Variants in SLC5A12 observed in about 807,000 individuals in gnomAD.
The protein encoded by SLC5A12 is sodium-coupled monocarboxylate transporter 2.
SLC5A12 carries 46 observed loss-of-function variants against 72.7 expected under a neutral mutation model. That is an observed-to-expected ratio of 0.63 (90% CI 0.50 to 0.81). SLC5A12 has a LOEUF of 0.81. Ranked by LOEUF, SLC5A12 falls within the 30% of genes least tolerant of loss-of-function variation. The pLI is 0.00. For synonymous variants in SLC5A12, 275 were observed against 264.4 expected (o/e 1.04, Z -0.39); for missense variants, 683 against 740.7 (o/e 0.92, Z 0.90).
chr11:26,697,522 C>A (rs1854851442), intron 7 of SLC5A12, among the ~76,000 whole-genome samples: 1 of 152,168 alleles, frequency 6.6e-6, no homozygotes, highest in Admixed American at 6.5e-5. Context: ...TGATGCACTA[C>A]TCTACATCCA....
At chr11:26,690,868 T>C (rs774934374) in intron 9 of SLC5A12, among the ~76,000 whole-genome samples, 1 of 151,382 alleles carries the variant, frequency 6.6e-6, no homozygotes, top group Admixed American at 6.6e-5. Context: ...GAATATAAAA[T>C]ATAAAAGTAC....
chr11:26,721,294 A>T (rs1439506335), intron 1 of SLC5A12, 82 bp downstream of exon 1: 1 of 1,025,344 alleles, frequency 9.8e-7, no homozygotes, highest in Non-Finnish European at 1.4e-6. Flanking sequence ...CCTGAAAATC[A>T]GTGAGTGTTC....
chr11:26,681,356 CT>C (rs1442250948), intron 11 of SLC5A12, 135 bp from the exon 12 acceptor site: 1 of 630,150 alleles, frequency 1.6e-6, no homozygotes, highest in African/African-American at 1.9e-5. Flanking sequence ...CAGAAACACT[CT>C]GCTCAAACTG....
intron 3 of SLC5A12, 24 bp downstream of exon 3, chr11:26,711,283 G>A: frequency 6.2e-7 from 1 of 1,602,140 alleles, no homozygotes. Context: ...GGTAAAATAT[G>A]CCAAGAGAAT....
intron 10 of SLC5A12, among the ~76,000 whole-genome samples, chr11:26,684,050 G>T (rs538023085): frequency 6.6e-6 from 1 of 152,040 alleles, no homozygotes; most frequent in South Asian, 2.1e-4. Flanking sequence ...GTGTGTGTGT[G>T]TGTTTGTATA....
chr11:26,695,919 C>T (rs747652500), intron 8 of SLC5A12, among the ~76,000 whole-genome samples: 4 of 152,110 alleles, frequency 2.6e-5, no homozygotes, highest in African/African-American at 7.2e-5. Flanking sequence ...AGTTTGTCTC[C>T]GCAGGGCTTT....
rs1854407060 is a variant in SLC5A12 at position 26,681,279 on chromosome 11, T to C, written c.1309-58A>G. On this transcript the variant is annotated intron_variant, in intron 11 of 14. Coordinates refer to ENST00000396005, the MANE Select transcript of SLC5A12 (RefSeq NM_178498.4). ...TTGGCAAAGCTGTCTATGGAAAGAATAATGAGATGAGGAGTTCTATGCCTT... is the reference window on the plus strand; with the variant it reads ...TTGGCAAAGCTGTCTATGGAAAGAACAATGAGATGAGGAGTTCTATGCCTT... 1.6e-5 allele frequency: 23 copies of C among 1,414,204 alleles called. No individual in the cohort carries two copies. The South Asian group carries it at 3.2e-4, about 19-fold the overall frequency. 87.6% of individuals were successfully genotyped at this position (1,414,204 alleles called of 1,614,324 possible). A position where few individuals can be genotyped will look rare whatever the true frequency, so the allele number is the denominator to read the frequency against.
rs1225233309 is a variant in SLC5A12, at chr11:26,698,499, A to C, written c.858T>G (p.Ile286Met). 6.2e-7 allele frequency: 1 copy of C among 1,614,062 alleles called. No individual in the cohort carries two copies. The highest frequency in any genetic ancestry group is 2.2e-5 in the East Asian group (1 of 44,854). Residue 286 changes from isoleucine (I) to methionine (M), a missense_variant, in exon 7 of 15, where the codon ATT (isoleucine) becomes ATG (methionine). Ile to Met is a conservative substitution (Grantham distance 10). Coordinates refer to ENST00000396005, the MANE Select transcript of SLC5A12 (RefSeq NM_178498.4). ...LYFNLLGLWIILVCAVFSGLI... is the reference protein window; with the variant it reads ...LYFNLLGLWIMLVCAVFSGLI... ...AGCCAGAGAAGACAGCACACACCAG[A>C]ATGATCCAGAGACCCAGCAAGTTAA...
At chr11:26,693,077 G>A (rs182683028) in intron 8 of SLC5A12, among the ~76,000 whole-genome samples, 7 of 152,270 alleles carry the variant, frequency 4.6e-5, no homozygotes, top group East Asian at 1.9e-4. Flanking sequence ...CCAGAAAGAC[G>A]TAGATCTTGC....
intron 13 of SLC5A12, among the ~76,000 whole-genome samples, chr11:26,675,989 C>A (rs1854257047): frequency 1.6e-5 from 2 of 122,250 alleles, no homozygotes; most frequent in South Asian, 5.4e-4. Context: ...GTGTATGTAC[C>A]TCTGTCTGTG....
intron 4 of SLC5A12, among the ~76,000 whole-genome samples, chr11:26,708,446 A>C (rs1855141338): frequency 6.6e-6 from 1 of 152,116 alleles, no homozygotes; most frequent in Non-Finnish European, 1.5e-5. Context: ...TATGAAAAAG[A>C]TCAGGCTATT....
chr11:26,712,781 G>T, intron 1 of SLC5A12, 75 bp from the exon 2 acceptor site: 1 of 1,036,992 alleles, frequency 9.6e-7, no homozygotes, highest in Non-Finnish European at 1.5e-6. Flanking sequence ...TTTTATCTTG[G>T]TATATCCTCT....
At chr11:26,685,009 A>G (rs1349628408) in intron 10 of SLC5A12, among the ~76,000 whole-genome samples, 1 of 152,198 alleles carries the variant, frequency 6.6e-6, no homozygotes, top group Non-Finnish European at 1.5e-5. Flanking sequence ...AACATTATGA[A>G]GGGATTACAA....
intron 4 of SLC5A12, among the ~76,000 whole-genome samples, chr11:26,706,535 G>C (rs1313956871): frequency 1.3e-5 from 2 of 151,756 alleles, no homozygotes; most frequent in South Asian, 2.1e-4. Flanking sequence ...TGCTATGCTT[G>C]TTTTTCTCTT....
chr11:26,717,617 A>C (rs1377819964), intron 1 of SLC5A12, among the ~76,000 whole-genome samples: 1 of 152,216 alleles, frequency 6.6e-6, no homozygotes, highest in Non-Finnish European at 1.5e-5. Flanking sequence ...CTGCATATCA[A>C]GGCATTTAAA....
intron 13 of SLC5A12, 147 bp downstream of exon 13, chr11:26,678,565 G>A (rs12793784): frequency 0.09 from 54,009 of 597,726 alleles, 3,128 homozygotes; most frequent in Non-Finnish European, 0.12. Flanking sequence ...GCCTTTGTAT[G>A]TCAGCGTTGA....
chr11:26,722,567 A>G (rs1855502406), upstream of SLC5A12, among the ~76,000 whole-genome samples: 1 of 152,160 alleles, frequency 6.6e-6, no homozygotes, highest in Admixed American at 6.5e-5. Context: ...TCTTTATTCT[A>G]GGACCTAGAA....
intron 3 of SLC5A12, among the ~76,000 whole-genome samples, chr11:26,710,725 G>T (rs1232782131): frequency 6.6e-6 from 1 of 151,870 alleles, no homozygotes; most frequent in Non-Finnish European, 1.5e-5. Flanking sequence ...GGACTTTCTT[G>T]GCAGCTCTTA....
intron 4 of SLC5A12, among the ~76,000 whole-genome samples, chr11:26,705,194 C>T (rs888334821): frequency 2.0e-5 from 3 of 151,888 alleles, no homozygotes; most frequent in East Asian, 1.9e-4. Flanking sequence ...GAAAGCTCCC[C>T]AGTTGACTCT....
Sources: gnomAD v4.1 joint callset for allele counts (sites outside exome capture counted in the v4.1 genomes callset) on GRCh38, gnomAD v4.1.1 for gene constraint, MANE v1.5 for transcripts, NCBI Gene and HGNC (gene_info 2026-07-23, HGNC 2026-07-21) for gene names.